MAGI2: variants seen among roughly 807,000 people sequenced by gnomAD.
MAGI2 encodes membrane associated guanylate kinase, WW and PDZ domain containing 2, also known as membrane-associated guanylate kinase, WW and PDZ domain-containing protein 2.
A neutral mutation model predicts 133.3 loss-of-function variants in MAGI2; 35 were observed. That is an observed-to-expected ratio of 0.26 (90% CI 0.20 to 0.35). The LOEUF (loss-of-function observed/expected upper bound fraction) is 0.35. Ranked by LOEUF, MAGI2 falls within the 10% of genes least tolerant of loss-of-function variation. The pLI, the probability that MAGI2 is intolerant of heterozygous loss-of-function variation, is 1.00. For synonymous variants in MAGI2, 729 were observed against 710.6 expected, an observed-to-expected ratio of 1.03 and a Z score of -0.41; for missense variants, 1,636 against 1,863.4, an observed-to-expected ratio of 0.88 and a Z score of 2.25.
At chr7:79,257,756 A>G (rs1833794298) in intron 1 of MAGI2, among the ~76,000 whole-genome samples, 1 of 152,214 alleles carries the variant, frequency 6.6e-6, no homozygotes, top group Non-Finnish European at 1.5e-5. Flanking sequence ...ATAATGATAA[A>G]TTGCATATAA....
intron 1 of MAGI2, 31 bp downstream of exon 1, chr7:79,452,989 G>A (rs1041185136): frequency 2.6e-6 from 4 of 1,514,186 alleles, no homozygotes; most frequent in African/African-American, 2.8e-5. Flanking sequence ...CCCACCGCCC[G>A]GCAAAACACT....
At chr7:79,138,015 A>G (rs1309490156) in intron 1 of MAGI2, among the ~76,000 whole-genome samples, 1 of 152,156 alleles carries the variant, frequency 6.6e-6, no homozygotes, top group African/African-American at 2.4e-5. Flanking sequence ...AAGATGGTGG[A>G]AGGGACTGCA....
chr7:78,324,121 A>AT (rs1341496181), intron 9 of MAGI2, among the ~76,000 whole-genome samples: 3 of 148,302 alleles, frequency 2.0e-5, no homozygotes, highest in Non-Finnish European at 3.0e-5. Flanking sequence ...GAGCAAAATA[A>AT]TTGACACACT....
Position 78,059,760 on chromosome 7 carries a change from C to CAT in MAGI2, c.3706+19185_3706+19186dup, listed in dbSNP as rs756668407. Among the ~76,000 whole-genome samples, 266 of 114,296 alleles carry CAT rather than the reference C, an allele frequency of 2.3e-3. 2 individuals are homozygous for CAT. Among genetic ancestry groups the CAT allele is most frequent in the South Asian group, 7.1e-3 (22 of 3,112 alleles). 75.0% of individuals were successfully genotyped at this position (114,296 alleles called of 152,430 possible). A position where few individuals can be genotyped will look rare whatever the true frequency, so the allele number is the denominator to read the frequency against. On this transcript the variant is annotated intron_variant, in intron 21 of 21. Transcript: ENST00000354212. Reference sequence around the variant, plus strand: ...GAGCTCCTCGAGGGAGGAACAATGCCATATATATATATATATATTTTTTTT... The same window carrying CAT: ...GAGCTCCTCGAGGGAGGAACAATGCCATATATATATATATATATATTTTTTTT...
intron 1 of MAGI2, among the ~76,000 whole-genome samples, chr7:79,026,054 G>T (rs116281765): frequency 6.6e-6 from 1 of 152,098 alleles, no homozygotes; most frequent in Non-Finnish European, 1.5e-5. Context: ...GCATTCAATT[G>T]TCCTTACCTG....
At chr7:78,716,623 G>A (rs1444426908) in intron 2 of MAGI2, among the ~76,000 whole-genome samples, 1 of 152,118 alleles carries the variant, frequency 6.6e-6, no homozygotes, top group Non-Finnish European at 1.5e-5. Context: ...GAAAAGTGTG[G>A]TACATTCACA....
intron 2 of MAGI2, among the ~76,000 whole-genome samples, chr7:78,888,949 C>T (rs550665475): frequency 3.6e-4 from 54 of 151,908 alleles, no homozygotes; most frequent in Middle Eastern, 3.4e-3. Flanking sequence ...GGAGGAAGTT[C>T]GAACCCATGA....
At chr7:79,231,773 A>G (rs1027092755) in intron 1 of MAGI2, among the ~76,000 whole-genome samples, 62 of 146,534 alleles carry the variant, frequency 4.2e-4, no homozygotes, top group African/African-American at 1.5e-3. Context: ...TTCCTAATTG[A>G]ATACCCTTTA....
intron 6 of MAGI2, among the ~76,000 whole-genome samples, chr7:78,400,601 C>T (rs1796771884): frequency 6.6e-6 from 1 of 152,028 alleles, no homozygotes; most frequent in African/African-American, 2.4e-5. Context: ...TGAAAGTGGT[C>T]TAGTTAAATC....
intron 20 of MAGI2, among the ~76,000 whole-genome samples, chr7:78,103,934 A>G (rs1385843008): frequency 6.6e-6 from 1 of 152,228 alleles, no homozygotes; most frequent in African/African-American, 2.4e-5. Flanking sequence ...GGCAATGTGT[A>G]GGTAAGAAAA....
intron 21 of MAGI2, chr7:78,072,475 T>C (rs1814816642): frequency 6.5e-6 from 1 of 153,124 alleles, no homozygotes; most frequent in Non-Finnish European, 1.5e-5. Flanking sequence ...CTGCACATAG[T>C]AGGTGTTAAG....
intron 21 of MAGI2, among the ~76,000 whole-genome samples, chr7:78,044,875 ATC>A (rs1262783110): frequency 9.2e-5 from 14 of 152,254 alleles, no homozygotes; most frequent in Admixed American, 5.9e-4. Flanking sequence ...TGTCTCAGAA[ATC>A]TAAGGATGTG....
At chr7:79,356,990 C>T (rs1563148092) in intron 1 of MAGI2, among the ~76,000 whole-genome samples, 1 of 152,132 alleles carries the variant, frequency 6.6e-6, no homozygotes, top group East Asian at 1.9e-4. Context: ...TTTAAATCTG[C>T]AACTCTGTCT....
At chr7:79,382,596 GC>G (rs1433194212) in intron 1 of MAGI2, among the ~76,000 whole-genome samples, 1 of 151,602 alleles carries the variant, frequency 6.6e-6, no homozygotes, top group African/African-American at 2.4e-5. Flanking sequence ...TAAGGGGAAA[GC>G]AATAGTGCTC....
intron 1 of MAGI2, among the ~76,000 whole-genome samples, chr7:79,340,758 G>A (rs544381564): frequency 7.9e-5 from 12 of 152,080 alleles, no homozygotes; most frequent in Non-Finnish European, 1.3e-4. Context: ...ATGTGTGAAC[G>A]TGTGTATATG....
intron 1 of MAGI2, among the ~76,000 whole-genome samples, chr7:79,155,213 G>A (rs1350572685): frequency 6.6e-6 from 1 of 152,102 alleles, no homozygotes; most frequent in Admixed American, 6.6e-5. Context: ...ATTTACAGGT[G>A]TAGCTTTTAA....
chr7:78,324,794 C>G (rs751127901), intron 9 of MAGI2, among the ~76,000 whole-genome samples: 5 of 152,084 alleles, frequency 3.3e-5, no homozygotes, highest in Non-Finnish European at 7.4e-5. Flanking sequence ...CTCCCTGTCT[C>G]TAGTTAAAAC....
At chr7:79,166,490 C>T (rs540266641) in intron 1 of MAGI2, among the ~76,000 whole-genome samples, 1 of 151,974 alleles carries the variant, frequency 6.6e-6, no homozygotes, top group East Asian at 1.9e-4. Context: ...CTGATGAGAC[C>T]CTGGGCAGAG....
intron 4 of MAGI2, among the ~76,000 whole-genome samples, chr7:78,503,701 T>C (rs1311667459): frequency 1.4e-5 from 2 of 139,094 alleles, no homozygotes; most frequent in East Asian, 4.9e-4. Flanking sequence ...TCCTCCCTCA[T>C]TCTTCTCTCC....
Sources: allele counts gnomAD v4.1 joint callset (sites outside exome capture counted in the v4.1 genomes callset), GRCh38; gene constraint gnomAD v4.1.1; transcripts MANE v1.5; gene names NCBI Gene and HGNC (gene_info 2026-07-23, HGNC 2026-07-21).